P2RY8: variants seen among roughly 807,000 people sequenced by gnomAD.
The protein encoded by P2RY8 is S-geranylgeranyl-glutathione receptor P2RY8.
In P2RY8, 6 loss-of-function variants were observed where a neutral mutation model predicts 10.0. That is an observed-to-expected ratio of 0.60 (90% CI 0.33 to 1.19). The LOEUF is 1.19. P2RY8 is among the 50% of genes most tolerant of loss of function. P2RY8 has a pLI of 0.04. For missense variants in P2RY8, 456 were observed against 542.0 expected (o/e 0.84, Z 1.58); for synonymous variants, 276 against 252.5 (o/e 1.09, Z -0.88).
chrX:1,509,801 C>G (rs1426562298), intron 1 of P2RY8, among the ~76,000 whole-genome samples: 7,713 of 74,818 alleles, frequency 0.1, 448 homozygotes, highest in Non-Finnish European at 0.18. Flanking sequence ...TCCATCCTAT[C>G]TATCTATCTA....
chrX:1,535,184 C>CTTTTTTT (rs539683722), intron 1 of P2RY8, among the ~76,000 whole-genome samples: 993 of 80,596 alleles, frequency 0.012, 107 homozygotes, highest in African/African-American at 0.039. Context: ...GGGATAATTC[C>CTTTTTTT]TTTTTTTTTT....
At chrX:1,484,584 C>T (rs1220757013) in intron 1 of P2RY8, among the ~76,000 whole-genome samples, 5 of 151,486 alleles carry the variant, frequency 3.3e-5, no homozygotes, top group Non-Finnish European at 7.4e-5. Flanking sequence ...AAAAATTAGC[C>T]GGGTGTCATG....
intron 1 of P2RY8, among the ~76,000 whole-genome samples, chrX:1,508,574 TATCA>T (rs1205330441): frequency 6.6e-6 from 1 of 151,938 alleles, no homozygotes; most frequent in Non-Finnish European, 1.5e-5. Flanking sequence ...TCTCTCTATC[TATCA>T]TCTATGTATC....
rs781659135 is a variant in P2RY8 at position 1,464,302 on chromosome X, G to A, written c.*1177C>T. 3.6e-4 allele frequency: 84 copies of A among 233,452 alleles called. No homozygotes were observed. Among genetic ancestry groups the A allele is most frequent in the African/African-American group, 1.7e-3 (77 of 45,484 alleles). 14.5% of individuals were successfully genotyped at this position (233,452 alleles called of 1,614,324 possible). ...AGCTCAGGTGTTGGGGCTGGTGCAG[G>A]CACATGCCGTGTAGAAGAAGACAGA... On this transcript the variant is annotated 3_prime_UTR_variant, in exon 2 of 2. Transcript: ENST00000381297.
intron 1 of P2RY8, among the ~76,000 whole-genome samples, chrX:1,482,956 C>A (rs751767710): frequency 1.4e-5 from 2 of 138,286 alleles, no homozygotes; most frequent in African/African-American, 5.3e-5. Flanking sequence ...GGTGGGGGGA[C>A]GGGGGAGGGA....
At chrX:1,503,723 C>T (rs1222149640) in intron 1 of P2RY8, among the ~76,000 whole-genome samples, 3 of 151,798 alleles carry the variant, frequency 2.0e-5, no homozygotes, top group African/African-American at 7.3e-5. Context: ...GGCAAAACCC[C>T]GTCTCTGCTA....
At chrX:1,498,342 C>G (rs1357299968) in intron 1 of P2RY8, among the ~76,000 whole-genome samples, 2 of 138,698 alleles carry the variant, frequency 1.4e-5, no homozygotes, top group Admixed American at 1.5e-4. Context: ...GGAGGCGGAG[C>G]TTGCAGTGAG....
chrX:1,472,149 A>G (rs1334625249), intron 1 of P2RY8, among the ~76,000 whole-genome samples: 1 of 151,528 alleles, frequency 6.6e-6, no homozygotes, highest in Non-Finnish European at 1.5e-5. Context: ...CCTGGCTGAT[A>G]CTCTCGGTAT....
At chrX:1,497,380 G>A (rs1238164591) in intron 1 of P2RY8, among the ~76,000 whole-genome samples, 11 of 150,466 alleles carry the variant, frequency 7.3e-5, no homozygotes, top group Admixed American at 6.0e-4. Flanking sequence ...AGTGTAGGCC[G>A]GGCACGGTGG....
intron 1 of P2RY8, among the ~76,000 whole-genome samples, chrX:1,508,472 C>T (rs190638007): frequency 2.6e-4 from 40 of 152,256 alleles, no homozygotes; most frequent in Middle Eastern, 3.4e-3. Context: ...TGAGAAACTC[C>T]ACATATCGGT....
chrX:1,525,627 C>T (rs1301918134), intron 1 of P2RY8, among the ~76,000 whole-genome samples: 1 of 152,168 alleles, frequency 6.6e-6, no homozygotes, highest in Non-Finnish European at 1.5e-5. Context: ...ATGCATCCAT[C>T]CATTCATCCA....
intron 1 of P2RY8, among the ~76,000 whole-genome samples, chrX:1,472,399 C>T (rs2091799574): frequency 7.9e-6 from 1 of 126,912 alleles, no homozygotes; most frequent in Non-Finnish European, 1.7e-5. Context: ...TGGGTAGATG[C>T]ATAGATGGGT....
chrX:1,511,258 C>T (rs760667271), intron 1 of P2RY8, among the ~76,000 whole-genome samples: 9 of 152,184 alleles, frequency 5.9e-5, no homozygotes, highest in Non-Finnish European at 1.2e-4. Context: ...GGTTAAAAGT[C>T]TCTACCCCCA....
Position 1,484,634 on chromosome X carries a change from G to A in P2RY8, c.-24-18052C>T, listed in dbSNP as rs188869952. On this transcript the variant is annotated intron_variant, in intron 1 of 1. Coordinates refer to ENST00000381297, the MANE Select transcript of P2RY8 (RefSeq NM_178129.5). ...TTCCAGCTACTCGGGAGGCTGAGAC[G>A]GGAGAATTGCTGGAACCCGGGAGGC... 4.7e-3 allele frequency among the ~76,000 whole-genome samples: 697 copies of A among 148,188 alleles called. 35 individuals carry two copies. The East Asian group carries it at 0.12, about 25-fold the overall frequency.
intron 1 of P2RY8, among the ~76,000 whole-genome samples, chrX:1,521,049 T>C (rs1225104271): frequency 6.8e-6 from 1 of 146,526 alleles, no homozygotes; most frequent in Non-Finnish European, 1.5e-5. Context: ...TTTTTTTTTT[T>C]TTTTGAGACA....
chrX:1,462,767 G>C lies in P2RY8; in HGVS notation c.*2712C>G, dbSNP rs1490386510. ...CCTTGATGGAGGCTGAGACTTTTTG[G>C]AATCCCTCCCTCTCTCCATGTCCTG... On this transcript the variant is annotated 3_prime_UTR_variant, in exon 2 of 2. Coordinates refer to ENST00000381297, the MANE Select transcript of P2RY8 (RefSeq NM_178129.5). The C allele has an allele frequency of 1.3e-5, 3 of 232,864 alleles. No individual in the cohort carries two copies. The highest frequency in any genetic ancestry group is 6.6e-5 in the African/African-American group (3 of 45,262). 14.4% of individuals were successfully genotyped at this position (232,864 alleles called of 1,614,324 possible).
chrX:1,535,730 C>CAG (rs2092521199), intron 1 of P2RY8, among the ~76,000 whole-genome samples: 1 of 151,234 alleles, frequency 6.6e-6, no homozygotes, highest in African/African-American at 2.4e-5. Flanking sequence ...CACACACAGA[C>CAG]ACACACACAC....
intron 1 of P2RY8, among the ~76,000 whole-genome samples, chrX:1,480,393 GTTTT>G (rs10552339): frequency 3.4e-5 from 5 of 148,168 alleles, no homozygotes; most frequent in East Asian, 3.9e-4. Context: ...CGCTTCCCGG[GTTTT>G]TTTTTTTTTG....
intron 1 of P2RY8, among the ~76,000 whole-genome samples, chrX:1,471,077 G>A (rs2091778430): frequency 6.6e-6 from 1 of 151,028 alleles, no homozygotes; most frequent in Non-Finnish European, 1.5e-5. Flanking sequence ...GTGTGATCTC[G>A]GCTCTCGGCA....
Sources: allele counts gnomAD v4.1 joint callset (sites outside exome capture counted in the v4.1 genomes callset), GRCh38; gene constraint gnomAD v4.1.1; transcripts MANE v1.5; gene names NCBI Gene and HGNC (gene_info 2026-07-23, HGNC 2026-07-21).